Variants in MED4 observed in about 807,000 individuals in gnomAD.
MED4 encodes mediator complex subunit 4.
In MED4, 21 loss-of-function variants were observed where a neutral mutation model predicts 35.0. The observed-to-expected ratio is 0.60, with a 90% CI of 0.43 to 0.86. MED4 has a LOEUF of 0.86. MED4 is among the 40% of genes least tolerant of loss of function. MED4 has a pLI of 0.00. For synonymous variants in MED4, 138 were observed against 114.0 expected, an observed-to-expected ratio of 1.21 and a Z score of -1.34; for missense variants, 300 against 319.4, an observed-to-expected ratio of 0.94 and a Z score of 0.46.
chr13:48,085,316 C>A (rs1182697273), intron 3 of MED4, among the ~76,000 whole-genome samples: 1 of 151,954 alleles, frequency 6.6e-6, no homozygotes, highest in Non-Finnish European at 1.5e-5. Flanking sequence ...GAATTACAGG[C>A]ACACACCACC....
At chr13:48,086,983 T>C (rs12585517) in intron 2 of MED4, among the ~76,000 whole-genome samples, 1,641 of 151,160 alleles carry the variant, frequency 0.011, 60 homozygotes, top group East Asian at 0.096. Context: ...GAGGTGGAGG[T>C]TGCAGTGAGC....
At chr13:48,088,002 G>C (rs1352159464) in intron 2 of MED4, among the ~76,000 whole-genome samples, 4 of 152,186 alleles carry the variant, frequency 2.6e-5, no homozygotes, top group Admixed American at 2.6e-4. Context: ...GTGACACAGG[G>C]AAAGTTACCA....
intron 5 of MED4, among the ~76,000 whole-genome samples, chr13:48,081,302 C>T (rs933060228): frequency 4.3e-4 from 66 of 152,274 alleles, no homozygotes; most frequent in African/African-American, 1.6e-3. Context: ...TTGTGGAAAT[C>T]CTAATGGCTC....
chr13:48,079,430 TCTAG>T (rs1167186596), intron 6 of MED4, among the ~76,000 whole-genome samples: 1 of 152,082 alleles, frequency 6.6e-6, no homozygotes, highest in African/African-American at 2.4e-5. Context: ...CGGCAAAGAA[TCTAG>T]CTATTACAAT....
chr13:48,087,960 T>C (rs1566119939), intron 2 of MED4, among the ~76,000 whole-genome samples: 1 of 152,128 alleles, frequency 6.6e-6, no homozygotes, highest in Non-Finnish European at 1.5e-5. Flanking sequence ...AGTCTGGTGG[T>C]TCATATCTCT....
At chr13:48,079,260 T>C (rs1298816224) in intron 6 of MED4, among the ~76,000 whole-genome samples, 1 of 152,216 alleles carries the variant, frequency 6.6e-6, no homozygotes, top group Non-Finnish European at 1.5e-5. Flanking sequence ...TCTATTTACA[T>C]AGCATGTTTC....
chr13:48,081,941 TAAAC>T (rs772920225), intron 4 of MED4, among the ~76,000 whole-genome samples: 9 of 152,194 alleles, frequency 5.9e-5, no homozygotes, highest in Non-Finnish European at 1.3e-4. Flanking sequence ...TTAGCTGACA[TAAAC>T]AAATTTCGGA....
At chr13:48,090,823 T>C (rs185097798) in intron 1 of MED4, among the ~76,000 whole-genome samples, 22 of 152,332 alleles carry the variant, frequency 1.4e-4, no homozygotes, top group Middle Eastern at 3.4e-3. Context: ...GACAATGCAT[T>C]ATGAGCGATT....
chr13:48,080,741 C>CTTT lies in MED4; in HGVS notation c.509-769_509-767dup, dbSNP rs11299325. Reference sequence around the variant, plus strand: ...TAGAAGGACTGTCTCAATTTAAAATCTTTTTTTTTTTTTACATTTTTCATC... The same window carrying CTTT: ...TAGAAGGACTGTCTCAATTTAAAATCTTTTTTTTTTTTTTTTACATTTTTCATC... On this transcript the variant is annotated intron_variant, in intron 5 of 6. Coordinates refer to ENST00000258648, the MANE Select transcript of MED4 (RefSeq NM_014166.4). Among the ~76,000 whole-genome samples the CTTT allele has an allele frequency of 2.2e-4, 32 of 146,690 alleles. No individual in the cohort carries two copies. The East Asian group carries it at 2.8e-3, about 13-fold the overall frequency.
At chr13:48,084,723 C>T (rs965079387) in intron 3 of MED4, among the ~76,000 whole-genome samples, 11 of 152,068 alleles carry the variant, frequency 7.2e-5, no homozygotes, top group Admixed American at 1.3e-4. Flanking sequence ...GCATTCTTTC[C>T]GCAGCTGAAC....
intron 4 of MED4, among the ~76,000 whole-genome samples, chr13:48,083,033 G>A (rs918757217): frequency 1.3e-5 from 2 of 152,178 alleles, no homozygotes; most frequent in African/African-American, 4.8e-5. Context: ...CACTCTCTCT[G>A]TCCTAACCTT....
intron 3 of MED4, among the ~76,000 whole-genome samples, chr13:48,084,289 A>G (rs1950833752): frequency 7.1e-6 from 1 of 140,912 alleles, no homozygotes. Flanking sequence ...AAAAAAAAAA[A>G]AGAGTATGGA....
At chr13:48,085,864 A>G (rs1234356060) in intron 3 of MED4, among the ~76,000 whole-genome samples, 2 of 152,148 alleles carry the variant, frequency 1.3e-5, no homozygotes, top group African/African-American at 4.8e-5. Context: ...ATCAATTTAT[A>G]AAATGTGTAT....
In MED4 at chr13:48,093,337, C is replaced by T. The variant is rs79045759; in HGVS notation, c.125+1617G>A. Among the ~76,000 whole-genome samples, 518 of 151,906 alleles carry T rather than the reference C, an allele frequency of 3.4e-3. 2 individuals carry two copies. The highest frequency in any genetic ancestry group is 0.012 in the African/African-American group (495 of 41,396). ...ATCTCCTTGCATTACATTTTATAAA[C>T]TAATAAATATCCCGAAAGGCTATAT... On this transcript the variant is annotated intron_variant, in intron 1 of 6. Coordinates refer to ENST00000258648, the MANE Select transcript of MED4 (RefSeq NM_014166.4).
intron 1 of MED4, among the ~76,000 whole-genome samples, chr13:48,094,517 C>A (rs1349912319): frequency 2.0e-5 from 3 of 152,154 alleles, no homozygotes; most frequent in African/African-American, 7.2e-5. Flanking sequence ...AGGGCCTGCC[C>A]TGACTACAAC....
intron 4 of MED4, among the ~76,000 whole-genome samples, chr13:48,082,527 A>C (rs1950816716): frequency 6.6e-6 from 1 of 152,168 alleles, no homozygotes; most frequent in South Asian, 2.1e-4. Context: ...CCTAACTCTC[A>C]AAAGAATATT....
At chr13:48,088,729 C>T (rs1328037460) in intron 2 of MED4, among the ~76,000 whole-genome samples, 2 of 152,202 alleles carry the variant, frequency 1.3e-5, no homozygotes, top group African/African-American at 2.4e-5. Context: ...TTAACCTCTA[C>T]CTCATCCGTC....
intron 1 of MED4, among the ~76,000 whole-genome samples, chr13:48,090,626 TAGAG>T (rs1223608022): frequency 6.6e-6 from 1 of 152,196 alleles, no homozygotes; most frequent in Non-Finnish European, 1.5e-5. Flanking sequence ...CTATTGTGAA[TAGAG>T]AGAGTTCTTT....
At position 48,077,474 on chromosome 13, in the gene MED4, T is replaced by G. The variant is rs796480145; in HGVS notation, c.641-163A>C. 3 of 531,924 alleles carry G rather than the reference T, an allele frequency of 5.6e-6. No homozygotes were observed. The African/African-American group carries it at 6.0e-5, about 11-fold the overall frequency. 33.0% of individuals were successfully genotyped at this position (531,924 alleles called of 1,614,324 possible). On this transcript the variant is annotated intron_variant, in intron 6 of 6. Coordinates refer to ENST00000258648, the MANE Select transcript of MED4 (RefSeq NM_014166.4). ...TTCTGTCACCCAGGCTTGAGTGCAG[T>G]GGCACGAATACATCACTGAAGCCCT...
Sources: gnomAD v4.1 joint callset for allele counts (sites outside exome capture counted in the v4.1 genomes callset) on GRCh38, gnomAD v4.1.1 for gene constraint, MANE v1.5 for transcripts, NCBI Gene and HGNC (gene_info 2026-07-23, HGNC 2026-07-21) for gene names.